The following ZNF710 variants were observed in gnomAD, a reference collection of about 807,000 sequenced individuals.
ZNF710 encodes zinc finger protein 710.
A neutral mutation model predicts 50.6 loss-of-function variants in ZNF710; 13 were observed. The ratio of observed to expected loss-of-function variants is 0.26; its 90% CI spans 0.17 to 0.41. The LOEUF (loss-of-function observed/expected upper bound fraction) is 0.41, where lower values mean the gene tolerates loss of function less well. Ranked by LOEUF, ZNF710 falls within the 10% of genes least tolerant of loss-of-function variation. The pLI is 1.00. For synonymous variants in ZNF710, 383 were observed against 397.0 expected (o/e 0.96, Z 0.42); for missense variants, 721 against 936.6 (o/e 0.77, Z 3.01).
intron 3 of ZNF710, 117 bp from the exon 4 acceptor site, chr15:90,073,988 TCAAAAAAAAAA>T (rs1366292921): frequency 5.3e-6 from 4 of 753,176 alleles, no homozygotes; most frequent in East Asian, 4.3e-5. Flanking sequence ...AGAGTCTGTC[TCAAAAAAAAAA>T]CAAAAAAAAA....
chr15:90,052,986 C>T (rs918636111), intron 1 of ZNF710, among the ~76,000 whole-genome samples: 7 of 150,766 alleles, frequency 4.6e-5, no homozygotes, highest in African/African-American at 1.5e-4. Context: ...CTCCCTGGGA[C>T]AGCCTGTCCC....
At chr15:90,063,341 G>T (rs1018192331) in intron 1 of ZNF710, among the ~76,000 whole-genome samples, 1 of 152,128 alleles carries the variant, frequency 6.6e-6, no homozygotes, top group Non-Finnish European at 1.5e-5. Context: ...ATTTCCTGGG[G>T]CGTGAGGTGG....
rs35673384 is a variant in ZNF710, at chr15:90,060,761, C to T, written c.-28-6349C>T. On this transcript the variant is annotated intron_variant, in intron 1 of 4. Coordinates refer to ENST00000268154, the MANE Select transcript of ZNF710 (RefSeq NM_198526.4). ...ATCCCAGCTACTTTGGAGGCTGAGG[C>T]AGGAGAATTGCTTGAACCCAGGAGG... 9.8e-3 allele frequency among the ~76,000 whole-genome samples: 1,498 copies of T among 152,268 alleles called. 12 individuals carry two copies. The highest frequency in any genetic ancestry group is 0.013 in the Non-Finnish European group (888 of 68,020).
At chr15:90,014,418 T>A (rs189624731) in intron 1 of ZNF710, among the ~76,000 whole-genome samples, 1 of 151,630 alleles carries the variant, frequency 6.6e-6, no homozygotes, top group Non-Finnish European at 1.5e-5. Flanking sequence ...GGTGTGTTCC[T>A]GTAATCCCAG....
At chr15:90,071,330 AAAGGCTAAT>A (rs5814410) in intron 2 of ZNF710, among the ~76,000 whole-genome samples, 33,912 of 151,772 alleles carry the variant, frequency 0.22, 4,500 homozygotes, top group East Asian at 0.56. Flanking sequence ...AGCAAAAACC[AAAGGCTAAT>A]AAAACTGGAA....
intron 1 of ZNF710, among the ~76,000 whole-genome samples, chr15:90,009,599 G>A (rs1157342993): frequency 1.3e-5 from 2 of 151,968 alleles, no homozygotes; most frequent in African/African-American, 2.4e-5. Context: ...CCCACTGCTT[G>A]TTCCTCTGTG....
chr15:90,062,961 C>T lies in ZNF710; in HGVS notation c.-28-4149C>T, dbSNP rs559794567. ...CAGGGTGGTGTGTGTTCTACTCAGCCAAGTCTCCAGGCCAGTGTAAAAGAA... is the reference window on the plus strand; with the variant it reads ...CAGGGTGGTGTGTGTTCTACTCAGCTAAGTCTCCAGGCCAGTGTAAAAGAA... On this transcript the variant is annotated intron_variant, in intron 1 of 4. Coordinates refer to ENST00000268154, the MANE Select transcript of ZNF710 (RefSeq NM_198526.4). The surrounding 1 kb of genome is among the most constrained non-coding windows in gnomAD (Gnocchi z 5.6). 6.6e-6 allele frequency among the ~76,000 whole-genome samples: 1 copy of T among 152,256 alleles called. No individual in the cohort carries two copies. Among genetic ancestry groups the T allele is most frequent in the Non-Finnish European group, 1.5e-5 (1 of 68,016 alleles).
Position 90,052,426 on chromosome 15 carries a change from A to G in ZNF710, c.-28-14684A>G, listed in dbSNP as rs557925853. Among the ~76,000 whole-genome samples, 5 of 152,274 alleles carry G rather than the reference A, an allele frequency of 3.3e-5. No homozygotes were observed. In the South Asian group the frequency reaches 1.0e-3, roughly 32 times the overall value. ...CTGATCACTCGAGATTAAAAACAGCAATGGAGAAGCCAGGAGGAGGCTGAG... is the reference window on the plus strand; with the variant it reads ...CTGATCACTCGAGATTAAAAACAGCGATGGAGAAGCCAGGAGGAGGCTGAG... On this transcript the variant is annotated intron_variant, in intron 1 of 4. Transcript: ENST00000268154.
chr15:90,019,647 G>A (rs1898555920), intron 1 of ZNF710, among the ~76,000 whole-genome samples: 1 of 152,194 alleles, frequency 6.6e-6, no homozygotes, highest in South Asian at 2.1e-4. Context: ...GCAAGGAAGG[G>A]CCTGAGAGAC....
chr15:90,011,921 T>C (rs1327375089), intron 1 of ZNF710, among the ~76,000 whole-genome samples: 1 of 152,192 alleles, frequency 6.6e-6, no homozygotes, highest in Non-Finnish European at 1.5e-5. Flanking sequence ...ATTAAGAAGC[T>C]GGGGGCTGGG....
intron 4 of ZNF710, 49 bp from the exon 5 acceptor site, chr15:90,079,611 C>A (rs1005871054): frequency 1.3e-6 from 2 of 1,592,694 alleles, no homozygotes; most frequent in Non-Finnish European, 1.7e-6. Context: ...GGGTGACTGG[C>A]TCCTCCCGAG....
intron 1 of ZNF710, among the ~76,000 whole-genome samples, chr15:90,002,097 C>T (rs1399606982): frequency 2.0e-5 from 3 of 151,242 alleles, no homozygotes; most frequent in East Asian, 2.0e-4. Flanking sequence ...GTGGGTGTCC[C>T]GGTGCTGGGT....
At chr15:90,025,826 C>G (rs1363670138) in intron 1 of ZNF710, 1 of 152,114 alleles carries the variant, frequency 6.6e-6, no homozygotes, top group Non-Finnish European at 1.5e-5. Context: ...AACCCAACCA[C>G]TTGAAAAAAT....
chr15:90,044,511 C>T (rs1391661395), intron 1 of ZNF710, among the ~76,000 whole-genome samples: 1 of 152,170 alleles, frequency 6.6e-6, no homozygotes, highest in African/African-American at 2.4e-5. Context: ...GGGCCCGCCA[C>T]CTTGGGTTTG....
chr15:90,063,407 C>G (rs1457534673), intron 1 of ZNF710, among the ~76,000 whole-genome samples: 15 of 152,104 alleles, frequency 9.9e-5, no homozygotes, highest in Admixed American at 8.5e-4. Context: ...AAATGGCTGA[C>G]TGGGGACCTC....
chr15:90,068,085 C>A lies in ZNF710; in HGVS notation c.948C>A (p.Gly316=), dbSNP rs781461674. 7 of 1,614,134 alleles carry A rather than the reference C, an allele frequency of 4.3e-6. No individual in the cohort carries two copies. The South Asian group carries it at 7.7e-5, about 18-fold the overall frequency. Residue 316 remains glycine (G), a synonymous_variant, in exon 2 of 5, where the codon GGC becomes GGA. Coordinates refer to ENST00000268154, the MANE Select transcript of ZNF710 (RefSeq NM_198526.4). The surrounding 1 kb of genome is among the most constrained non-coding windows in gnomAD (Gnocchi z 5.0). ...SKYNLVTHIL[G]HNGIKPHSCP... ...ACAACCTGGTGACGCACATCCTGGG[C>A]CACAACGGCATCAAGCCACACTCGT...
chr15:90,063,142 G>A (rs1900063305), intron 1 of ZNF710, among the ~76,000 whole-genome samples: 1 of 152,126 alleles, frequency 6.6e-6, no homozygotes, highest in Non-Finnish European at 1.5e-5. Flanking sequence ...GTGCCTACGT[G>A]CCCCTGCTGG....
rs1357050031 is a variant in ZNF710, at chr15:90,082,044, T to C, written c.*2215T>C. The C allele has an allele frequency of 2.6e-5, 4 of 152,274 alleles. No homozygotes were observed. In the South Asian group the frequency reaches 8.3e-4, roughly 32 times the overall value. 9.4% of individuals were successfully genotyped at this position (152,274 alleles called of 1,614,324 possible). A position where few individuals can be genotyped will look rare whatever the true frequency, so the allele number is the denominator to read the frequency against. The stretch of plus-strand genomic sequence containing the variant: ...GCCTCTCGGGTGACTTGGAAACTCC[T>C]GGACAAATTCCATTCTAACTTATTT... On this transcript the variant is annotated 3_prime_UTR_variant, in exon 5 of 5. Coordinates refer to ENST00000268154, the MANE Select transcript of ZNF710 (RefSeq NM_198526.4).
intron 1 of ZNF710, among the ~76,000 whole-genome samples, chr15:90,024,700 C>G (rs780445457): frequency 6.6e-6 from 1 of 152,242 alleles, no homozygotes; most frequent in Non-Finnish European, 1.5e-5. Context: ...CTGCCTCTCC[C>G]TCCACCTCCA....
Sources: gnomAD v4.1 joint callset for allele counts (sites outside exome capture counted in the v4.1 genomes callset) on GRCh38, gnomAD v4.1.1 for gene constraint, Gnocchi (gnomAD v3.1) non-coding constraint, MANE v1.5 for transcripts, NCBI Gene and HGNC (gene_info 2026-07-23, HGNC 2026-07-21) for gene names.